The following WDR7 variants were observed in gnomAD, a reference collection of about 807,000 sequenced individuals.
WDR7 encodes WD repeat domain 7.
Under a neutral mutation model 169.4 loss-of-function variants are expected in WDR7, and 46 were observed. The observed-to-expected ratio is 0.27, with a 90% CI of 0.21 to 0.35. The LOEUF (loss-of-function observed/expected upper bound fraction) is 0.35. Among genes scored for constraint, WDR7 ranks in the 10% least tolerant of loss-of-function variants. The pLI is 1.00. For synonymous variants in WDR7, 612 were observed against 666.8 expected (o/e 0.92, Z 1.27); for missense variants, 1,534 against 1,859.3 (o/e 0.83, Z 3.22).
chr18:56,671,825 A>G (rs974804978), intron 1 of WDR7, among the ~76,000 whole-genome samples: 2 of 152,180 alleles, frequency 1.3e-5, no homozygotes, highest in African/African-American at 2.4e-5. Context: ...TGTAAGGATT[A>G]ATGGAGTTTA....
chr18:56,833,835 A>G (rs2045355011), intron 20 of WDR7, among the ~76,000 whole-genome samples: 1 of 152,126 alleles, frequency 6.6e-6, no homozygotes, highest in Non-Finnish European at 1.5e-5. Flanking sequence ...TTGCTTACAC[A>G]CTGTATTAAT....
intron 12 of WDR7, among the ~76,000 whole-genome samples, chr18:56,704,951 C>T (rs2025915808): frequency 6.6e-6 from 1 of 152,116 alleles, no homozygotes; most frequent in Non-Finnish European, 1.5e-5. Context: ...TCTTGAGTAA[C>T]ACAATCATAG....
chr18:56,740,104 T>C (rs186660511), intron 14 of WDR7, among the ~76,000 whole-genome samples: 1 of 152,224 alleles, frequency 6.6e-6, no homozygotes, highest in East Asian at 1.9e-4. Flanking sequence ...CTCTATTTTG[T>C]AATCTTTGTC....
chr18:56,807,681 A>C (rs1264608992), intron 19 of WDR7, among the ~76,000 whole-genome samples: 2 of 152,110 alleles, frequency 1.3e-5, no homozygotes, highest in Non-Finnish European at 2.9e-5. Context: ...TTCTAAAAAA[A>C]AAAAATACTA....
chr18:56,747,258 T>C (rs570158613), intron 14 of WDR7, among the ~76,000 whole-genome samples: 2 of 152,300 alleles, frequency 1.3e-5, no homozygotes, highest in East Asian at 1.9e-4. Context: ...TGACTTGCTG[T>C]GTGACCTTAG....
intron 22 of WDR7, among the ~76,000 whole-genome samples, chr18:56,928,681 T>G (rs1281735627): frequency 2.0e-5 from 3 of 152,196 alleles, no homozygotes; most frequent in Non-Finnish European, 4.4e-5. Flanking sequence ...CCTATGAGCT[T>G]CTGTGCTATT....
chr18:56,882,619 G>A (rs922166862), intron 21 of WDR7, among the ~76,000 whole-genome samples: 28 of 152,062 alleles, frequency 1.8e-4, no homozygotes, highest in Non-Finnish European at 8.8e-5. Context: ...TTTCTTTGAA[G>A]TGGAAATTTC....
At chr18:56,731,969 CTG>C (rs959826578) in intron 14 of WDR7, among the ~76,000 whole-genome samples, 5 of 152,074 alleles carry the variant, frequency 3.3e-5, no homozygotes, top group African/African-American at 1.2e-4. Flanking sequence ...ATTAAGATGT[CTG>C]TAATTGTGAT....
chr18:56,830,776 G>A (rs1340036196), intron 20 of WDR7, among the ~76,000 whole-genome samples: 2 of 152,234 alleles, frequency 1.3e-5, no homozygotes, highest in Admixed American at 1.3e-4. Context: ...GCACAATCTC[G>A]GCTCACTGCA....
intron 19 of WDR7, among the ~76,000 whole-genome samples, chr18:56,814,679 T>A (rs544419066): frequency 6.6e-6 from 1 of 152,058 alleles, no homozygotes; most frequent in Non-Finnish European, 1.5e-5. Flanking sequence ...AAAAACTACT[T>A]CTTGGGTACT....
intron 16 of WDR7, among the ~76,000 whole-genome samples, chr18:56,775,756 C>T (rs1370438910): frequency 2.6e-5 from 4 of 152,042 alleles, no homozygotes; most frequent in East Asian, 1.9e-4. Flanking sequence ...ATGATGCATT[C>T]GTGTGGAAAT....
chr18:56,882,576 A>C (rs867332143), intron 21 of WDR7, among the ~76,000 whole-genome samples: 2 of 152,226 alleles, frequency 1.3e-5, no homozygotes, highest in Non-Finnish European at 1.5e-5. Context: ...CAAACTTCCC[A>C]TTAAAAATCA....
intron 21 of WDR7, among the ~76,000 whole-genome samples, chr18:56,900,080 GTGTATATATA>G (rs1555707507): frequency 0.22 from 6,739 of 30,172 alleles, 269 homozygotes; most frequent in Middle Eastern, 0.31. Flanking sequence ...GTGTGTGTGT[GTGTATATATA>G]TATATATATA....
At chr18:56,695,879 A>G (rs929394759) in intron 11 of WDR7, among the ~76,000 whole-genome samples, 1 of 152,234 alleles carries the variant, frequency 6.6e-6, no homozygotes, top group Non-Finnish European at 1.5e-5. Flanking sequence ...AATAAAATGA[A>G]ACAGTTGAAA....
intron 20 of WDR7, among the ~76,000 whole-genome samples, chr18:56,820,364 A>AAAAC: frequency 6.9e-6 from 1 of 145,858 alleles, no homozygotes; most frequent in Non-Finnish European, 1.5e-5. Flanking sequence ...AAAAAAAAAA[A>AAAAC]CCACCTTGAT....
chr18:57,025,919 G>T (rs1238533076), intron 27 of WDR7, among the ~76,000 whole-genome samples: 1 of 152,204 alleles, frequency 6.6e-6, no homozygotes. Flanking sequence ...ATCATAATCT[G>T]CATGCTTCAT....
chr18:56,730,658 C>T (rs893034777), intron 13 of WDR7, among the ~76,000 whole-genome samples: 1 of 152,026 alleles, frequency 6.6e-6, no homozygotes, highest in Non-Finnish European at 1.5e-5. Flanking sequence ...CCCAGCTACT[C>T]GGGAGGCTGA....
intron 14 of WDR7, among the ~76,000 whole-genome samples, chr18:56,750,473 A>G (rs1256249996): frequency 1.3e-5 from 2 of 152,104 alleles, no homozygotes; most frequent in Admixed American, 6.5e-5. Flanking sequence ...CAGAGGCTTT[A>G]TTTTGTCCCA....
chr18:56,875,377 A>G (rs2046008880), intron 20 of WDR7, among the ~76,000 whole-genome samples: 1 of 152,152 alleles, frequency 6.6e-6, no homozygotes, highest in Admixed American at 6.6e-5. Flanking sequence ...CCCTCAAGTG[A>G]TCACCCCACT....
Sources: allele counts gnomAD v4.1 joint callset (sites outside exome capture counted in the v4.1 genomes callset), GRCh38; gene constraint gnomAD v4.1.1; transcripts MANE v1.5; gene names NCBI Gene and HGNC (gene_info 2026-07-23, HGNC 2026-07-21).